Variants in ABI1 observed in about 807,000 individuals in gnomAD.
The protein encoded by ABI1 is abl interactor 1.
In ABI1, 14 loss-of-function variants were observed where a neutral mutation model predicts 54.6. That is an observed-to-expected ratio of 0.26 (90% confidence interval 0.17 to 0.40). The LOEUF (loss-of-function observed/expected upper bound fraction) is 0.40. Among genes scored for constraint, ABI1 ranks in the 10% least tolerant of loss-of-function variants. ABI1 has a pLI of 1.00. For synonymous variants in ABI1, 194 were observed against 209.3 expected (o/e 0.93, Z 0.63); for missense variants, 443 against 598.3 (o/e 0.74, Z 2.71).
At chr10:26,824,156 C>T (rs1220503182) in intron 1 of ABI1, among the ~76,000 whole-genome samples, 2 of 151,902 alleles carry the variant, frequency 1.3e-5, no homozygotes, top group Non-Finnish European at 2.9e-5. Context: ...CACTCTTAAC[C>T]ACTGAAAAGA....
intron 1 of ABI1, among the ~76,000 whole-genome samples, chr10:26,851,360 T>TTTTTTC (rs1232280582): frequency 7.2e-6 from 1 of 138,428 alleles, no homozygotes; most frequent in African/African-American, 2.8e-5. Context: ...TTTTTTTTTT[T>TTTTTTC]TTTTTTTTTT....
intron 2 of ABI1, among the ~76,000 whole-genome samples, chr10:26,788,401 T>G (rs11015287): frequency 0.068 from 10,335 of 152,256 alleles, 391 homozygotes; most frequent in East Asian, 0.14. Context: ...AAAAAAGTAC[T>G]AAAAAATAAT....
chr10:26,783,231 T>C (rs887642009), intron 2 of ABI1, among the ~76,000 whole-genome samples: 8 of 152,346 alleles, frequency 5.3e-5, no homozygotes, highest in Non-Finnish European at 8.8e-5. Flanking sequence ...TGATTCCATT[T>C]ATATGAGGTA....
Position 26,773,212 on chromosome 10 carries a change from A to ATTTTTTTTTTTTTTTTTTTTTTTT in ABI1, c.463-2124_463-2123insAAAAAAAAAAAAAAAAAAAAAAAA, listed in dbSNP as rs1342694391. Among the ~76,000 whole-genome samples the ATTTTTTTTTTTTTTTTTTTTTTTT allele has an allele frequency of 4.9e-4, 31 of 63,332 alleles. 1 individual carries two copies. The highest frequency in any genetic ancestry group is 1.5e-3 in the African/African-American group (12 of 8,196). 41.5% of individuals were successfully genotyped at this position (63,332 alleles called of 152,430 possible). ...CATAGGCACTAAATGTCTAATGCTAATTCTTTTTTTTTTTTTGCTGGCTCT... is the reference window on the plus strand; with the variant it reads ...CATAGGCACTAAATGTCTAATGCTAATTTTTTTTTTTTTTTTTTTTTTTTTTCTTTTTTTTTTTTTGCTGGCTCT... On this transcript the variant is annotated intron_variant, in intron 3 of 10. Coordinates refer to ENST00000376140, the MANE Select transcript of ABI1 (RefSeq NM_001012750.3).
At chr10:26,850,922 T>C (rs1004891583) in intron 1 of ABI1, among the ~76,000 whole-genome samples, 3 of 152,024 alleles carry the variant, frequency 2.0e-5, no homozygotes, top group Non-Finnish European at 4.4e-5. Context: ...AGAGCCCAAA[T>C]GAAGCCACTT....
intron 1 of ABI1, chr10:26,839,930 C>T: frequency 1.7e-6 from 1 of 582,758 alleles, no homozygotes; most frequent in Non-Finnish European, 3.1e-6. Flanking sequence ...TTTGGGACCA[C>T]AGTGAGCTAT....
At chr10:26,858,055 T>C (rs1316463448) in intron 1 of ABI1, among the ~76,000 whole-genome samples, 1 of 152,130 alleles carries the variant, frequency 6.6e-6, no homozygotes, top group East Asian at 1.9e-4. Context: ...ACTTTCAAAC[T>C]GTAGAAAAAC....
At chr10:26,809,557 C>T (rs2047094210) in intron 2 of ABI1, among the ~76,000 whole-genome samples, 1 of 151,332 alleles carries the variant, frequency 6.6e-6, no homozygotes, top group Non-Finnish European at 1.5e-5. Context: ...GACCCTATGT[C>T]CAAATAAATA....
At position 26,761,657 on chromosome 10, in the gene ABI1, T is replaced by TAC. The variant is rs1288478465; in HGVS notation, c.821-2420_821-2419insGT. On this transcript the variant is annotated intron_variant, in intron 7 of 10. Transcript: ENST00000376140. The stretch of plus-strand genomic sequence containing the variant: ...ATATATATATATATATATATATATA[T>TAC]ATATACACACACACATACACATATA... Among the ~76,000 whole-genome samples the TAC allele has an allele frequency of 1.3e-3, 121 of 91,596 alleles. 1 individual carries two copies. Among genetic ancestry groups the TAC allele is most frequent in the Middle Eastern group, 5.6e-3 (1 of 178 alleles). The allele number at this position is 91,596 out of a possible 152,430, so 60.1% of individuals were successfully genotyped here. A position where few individuals can be genotyped will look rare whatever the true frequency, so the allele number is the denominator to read the frequency against.
chr10:26,833,214 C>T (rs1162189508), intron 1 of ABI1, among the ~76,000 whole-genome samples: 1 of 152,068 alleles, frequency 6.6e-6, no homozygotes, highest in African/African-American at 2.4e-5. Flanking sequence ...CCAGTTGGGG[C>T]ATACTCTCTT....
At chr10:26,796,615 C>A (rs1462548373) in intron 2 of ABI1, among the ~76,000 whole-genome samples, 1 of 152,202 alleles carries the variant, frequency 6.6e-6, no homozygotes, top group Non-Finnish European at 1.5e-5. Context: ...ATTAAGCAAG[C>A]ATGACTGTAT....
At chr10:26,844,063 C>T (rs7073300) in intron 1 of ABI1, among the ~76,000 whole-genome samples, 38,878 of 152,000 alleles carry the variant, frequency 0.26, 5,635 homozygotes, top group South Asian at 0.44. Flanking sequence ...AACACTGATC[C>T]GATCTTCTAC....
In ABI1 at chr10:26,782,609, G is replaced by A. The variant is rs573696607; in HGVS notation, c.286-5368C>T. On this transcript the variant is annotated intron_variant, in intron 2 of 10. Transcript: ENST00000376140. Reference sequence around the variant, plus strand: ...ATGGTGGTGTGTGCCTGTAGTCCCAGCTACTCGGGAGGCTGAGGCAGGAGA... The same window carrying A: ...ATGGTGGTGTGTGCCTGTAGTCCCAACTACTCGGGAGGCTGAGGCAGGAGA... Among the ~76,000 whole-genome samples, 20 of 152,066 alleles carry A rather than the reference G, an allele frequency of 1.3e-4. No homozygotes were observed. The East Asian group carries it at 3.7e-3, about 28-fold the overall frequency.
At chr10:26,773,174 T>C (rs1564479233) in intron 3 of ABI1, among the ~76,000 whole-genome samples, 1 of 148,896 alleles carries the variant, frequency 6.7e-6, no homozygotes, top group Admixed American at 6.8e-5. Context: ...AAGTACATCA[T>C]AGTTTTGTAT....
chr10:26,756,774 T>C (rs1838373062), intron 8 of ABI1, among the ~76,000 whole-genome samples: 1 of 152,128 alleles, frequency 6.6e-6, no homozygotes, highest in African/African-American at 2.4e-5. Context: ...GTAGTAACAC[T>C]AAATTGATAG....
chr10:26,759,670 T>C (rs1284167674), intron 7 of ABI1, among the ~76,000 whole-genome samples: 1 of 152,058 alleles, frequency 6.6e-6, no homozygotes, highest in Non-Finnish European at 1.5e-5. Flanking sequence ...AATTTCTTCC[T>C]TTCCACTGAC....
chr10:26,775,818 G>A (rs1841340808), intron 3 of ABI1, among the ~76,000 whole-genome samples: 5 of 152,126 alleles, frequency 3.3e-5, no homozygotes, highest in Admixed American at 3.3e-4. Context: ...AATAATCAAG[G>A]TGAGGCAAAA....
At chr10:26,838,535 C>T (rs2049261334) in intron 1 of ABI1, among the ~76,000 whole-genome samples, 1 of 152,242 alleles carries the variant, frequency 6.6e-6, no homozygotes, top group South Asian at 2.1e-4. Flanking sequence ...ATACTATAGG[C>T]CCTTGAGAGC....
intron 1 of ABI1, among the ~76,000 whole-genome samples, chr10:26,850,268 G>C (rs922292538): frequency 1.3e-5 from 2 of 152,160 alleles, no homozygotes; most frequent in Non-Finnish European, 2.9e-5. Flanking sequence ...CATTATTTAT[G>C]TTAATAATAA....
Sources: allele counts gnomAD v4.1 joint callset (sites outside exome capture counted in the v4.1 genomes callset), GRCh38; gene constraint gnomAD v4.1.1; transcripts MANE v1.5; gene names NCBI Gene and HGNC (gene_info 2026-07-23, HGNC 2026-07-21).